Variants in PELI2 observed in about 807,000 individuals in gnomAD.
The protein encoded by PELI2 is E3 ubiquitin-protein ligase pellino homolog 2.
Under a neutral mutation model 42.3 loss-of-function variants are expected in PELI2, and 23 were observed. The observed-to-expected ratio is 0.54, with a 90% CI of 0.39 to 0.77. The LOEUF (loss-of-function observed/expected upper bound fraction) is 0.77. Among genes scored for constraint, PELI2 ranks in the 30% least tolerant of loss-of-function variants. PELI2 has a pLI of 0.00. For synonymous variants in PELI2, 245 were observed against 212.2 expected (o/e 1.15, Z -1.34); for missense variants, 463 against 553.2 (o/e 0.84, Z 1.64).
intron 1 of PELI2, among the ~76,000 whole-genome samples, chr14:56,162,877 G>C (rs1268067417): frequency 6.6e-6 from 1 of 151,822 alleles, no homozygotes; most frequent in Non-Finnish European, 1.5e-5. Context: ...TTGAGCACCT[G>C]TTTGTCATTT....
intron 2 of PELI2, among the ~76,000 whole-genome samples, chr14:56,267,770 T>A (rs1043294856): frequency 6.6e-6 from 1 of 152,162 alleles, no homozygotes; most frequent in South Asian, 2.1e-4. Context: ...AGGGAAAAAT[T>A]GGAATCTTCC....
At chr14:56,284,502 C>T (rs753969009) in intron 3 of PELI2, among the ~76,000 whole-genome samples, 8 of 152,204 alleles carry the variant, frequency 5.3e-5, no homozygotes, top group Non-Finnish European at 7.4e-5. Flanking sequence ...GCTTCGAACG[C>T]GGTGCTACAA....
At position 56,290,584 on chromosome 14, in the gene PELI2, A is replaced by T. The variant is rs1006806419; in HGVS notation, c.696+128A>T. 2.4e-5 allele frequency: 13 copies of T among 550,034 alleles called. No homozygotes were observed. The African/African-American group carries it at 2.4e-4, about 10-fold the overall frequency. The allele number at this position is 550,034 out of a possible 1,614,324, so 34.1% of individuals were successfully genotyped here. A position where few individuals can be genotyped will look rare whatever the true frequency, so the allele number is the denominator to read the frequency against. On this transcript the variant is annotated intron_variant, in intron 5 of 5. Coordinates refer to ENST00000267460, the MANE Select transcript of PELI2 (RefSeq NM_021255.3). ...CAAGCGCCATGTACTGTAACTCAGG[A>T]GAAGCAGAATTCCACAAGCCCCTGA... is the stretch of plus-strand genomic sequence containing the variant.
At chr14:56,136,003 T>C (rs1883677393) in intron 1 of PELI2, among the ~76,000 whole-genome samples, 1 of 152,246 alleles carries the variant, frequency 6.6e-6, no homozygotes, top group Admixed American at 6.5e-5. Flanking sequence ...TTGATCTTTC[T>C]GAACATTAGT....
At chr14:56,283,364 A>G (rs1402790567) in intron 3 of PELI2, among the ~76,000 whole-genome samples, 1 of 152,250 alleles carries the variant, frequency 6.6e-6, no homozygotes, top group Admixed American at 6.5e-5. Context: ...AATGAAAAAT[A>G]CAATGACTGC....
At chr14:56,154,230 T>C (rs2139627661) in intron 1 of PELI2, among the ~76,000 whole-genome samples, 1 of 152,332 alleles carries the variant, frequency 6.6e-6, no homozygotes, top group East Asian at 1.9e-4. Context: ...ATTTTTTCAT[T>C]GGTATTAAGA....
chr14:56,153,993 C>T (rs1884460310), intron 1 of PELI2, among the ~76,000 whole-genome samples: 2 of 152,068 alleles, frequency 1.3e-5, no homozygotes, highest in Non-Finnish European at 2.9e-5. Flanking sequence ...ACAATGAAGA[C>T]AACTTATTTA....
chr14:56,187,354 A>G (rs1885802965), intron 2 of PELI2, among the ~76,000 whole-genome samples: 1 of 152,216 alleles, frequency 6.6e-6, no homozygotes, highest in Admixed American at 6.5e-5. Flanking sequence ...TACATTATTT[A>G]AGTATCAGTG....
chr14:56,193,640 C>G (rs893858655), intron 2 of PELI2, among the ~76,000 whole-genome samples: 1 of 152,054 alleles, frequency 6.6e-6, no homozygotes, highest in Admixed American at 6.5e-5. Context: ...ATTACATTGA[C>G]CAGTTTATAG....
chr14:56,263,463 T>C (rs1029953745), intron 2 of PELI2, among the ~76,000 whole-genome samples: 1 of 152,102 alleles, frequency 6.6e-6, no homozygotes, highest in Non-Finnish European at 1.5e-5. Flanking sequence ...TCTGAAGGAC[T>C]AAAACAAATG....
chr14:56,295,346 C>G (rs990838395), intron 5 of PELI2, among the ~76,000 whole-genome samples: 2 of 151,564 alleles, frequency 1.3e-5, no homozygotes, highest in African/African-American at 4.8e-5. Flanking sequence ...GGTCTCTCGT[C>G]CCCCCCCACC....
chr14:56,150,428 A>T (rs557374406), intron 1 of PELI2, among the ~76,000 whole-genome samples: 41 of 152,302 alleles, frequency 2.7e-4, no homozygotes, highest in Non-Finnish European at 4.7e-4. Flanking sequence ...TTTTTTGAAA[A>T]ATTATTTTTA....
intron 3 of PELI2, among the ~76,000 whole-genome samples, chr14:56,283,780 A>G (rs1889560800): frequency 6.6e-6 from 1 of 152,214 alleles, no homozygotes. Context: ...GCAAGAATTC[A>G]CATGTTTCTT....
chr14:56,218,596 AT>A lies in PELI2; in HGVS notation c.207+40136del, dbSNP rs1383139765. Among the ~76,000 whole-genome samples, 6 of 151,938 alleles carry A rather than the reference AT, an allele frequency of 3.9e-5. No homozygotes were observed. In the East Asian group the frequency reaches 1.2e-3, roughly 29 times the overall value. On this transcript the variant is annotated intron_variant, in intron 2 of 5. Transcript: ENST00000267460. ...TTCCACCTCCCAGATGTTTTCCTTT[AT>A]TTTCCCTAGGAGATGGAAATGGAAA...
chr14:56,231,521 C>T (rs949085467), intron 2 of PELI2, among the ~76,000 whole-genome samples: 17 of 152,198 alleles, frequency 1.1e-4, no homozygotes, highest in Admixed American at 2.6e-4. Context: ...GGGTACATAA[C>T]GAAATGAAGG....
At position 56,301,130 on chromosome 14, in the gene PELI2, A is replaced by G. The variant is rs1004816056; in HGVS notation, c.*3964A>G. 6.6e-6 allele frequency: 1 copy of G among 152,640 alleles called. No individual in the cohort carries two copies. Among genetic ancestry groups the G allele is most frequent in the African/African-American group, 2.4e-5 (1 of 41,460 alleles). 9.5% of individuals were successfully genotyped at this position (152,640 alleles called of 1,614,324 possible). A position where few individuals can be genotyped will look rare whatever the true frequency, so the allele number is the denominator to read the frequency against. ...GTCTAGAAGTTAAGGGGATGGTCAC[A>G]TTTACCATGTATTGTGTTATTAGCA... is the stretch of plus-strand genomic sequence containing the variant. On this transcript the variant is annotated 3_prime_UTR_variant, in exon 6 of 6. Coordinates refer to ENST00000267460, the MANE Select transcript of PELI2 (RefSeq NM_021255.3).
At chr14:56,267,972 T>C (rs1269286273) in intron 2 of PELI2, among the ~76,000 whole-genome samples, 1 of 152,168 alleles carries the variant, frequency 6.6e-6, no homozygotes, top group Admixed American at 6.5e-5. Context: ...TGGTAAGTCA[T>C]TGGGTATCTT....
chr14:56,195,661 C>G (rs1045926342), intron 2 of PELI2, among the ~76,000 whole-genome samples: 1 of 152,246 alleles, frequency 6.6e-6, no homozygotes, highest in Non-Finnish European at 1.5e-5. Flanking sequence ...CTGCCATTCT[C>G]TGTGTTCAAA....
intron 1 of PELI2, among the ~76,000 whole-genome samples, chr14:56,171,316 C>G (rs1217841331): frequency 1.3e-5 from 2 of 152,168 alleles, no homozygotes; most frequent in Admixed American, 6.5e-5. Flanking sequence ...ATTTCTTGCT[C>G]TCTCTGGTAC....
Sources: allele counts gnomAD v4.1 joint callset (sites outside exome capture counted in the v4.1 genomes callset), GRCh38; gene constraint gnomAD v4.1.1; transcripts MANE v1.5; gene names NCBI Gene and HGNC (gene_info 2026-07-23, HGNC 2026-07-21).